ITSN1: variants seen among roughly 807,000 people sequenced by gnomAD.
ITSN1 encodes the protein intersectin 1, also known as intersectin-1.
In ITSN1, 58 loss-of-function variants were observed where a neutral mutation model predicts 239.8. The observed-to-expected ratio is 0.24, with a 90% CI of 0.20 to 0.30. The LOEUF (loss-of-function observed/expected upper bound fraction) is 0.30. Ranked by LOEUF, ITSN1 falls within the 10% of genes least tolerant of loss-of-function variation. The pLI is 1.00. For missense variants in ITSN1, 1,558 were observed against 2,103.3 expected, an observed-to-expected ratio of 0.74 and a Z score of 5.07; for synonymous variants, 780 against 770.8, an observed-to-expected ratio of 1.01 and a Z score of -0.20.
chr21:33,769,593 C>G (rs924560600), intron 11 of ITSN1, among the ~76,000 whole-genome samples: 46 of 152,182 alleles, frequency 3.0e-4, no homozygotes, highest in African/African-American at 1.1e-3. Context: ...TCGTAGCATG[C>G]AGACAGCAGC....
At chr21:33,694,663 A>G (rs2091711807) in intron 1 of ITSN1, among the ~76,000 whole-genome samples, 1 of 152,168 alleles carries the variant, frequency 6.6e-6, no homozygotes, top group Non-Finnish European at 1.5e-5. Flanking sequence ...TCTACTAAAA[A>G]TACAAAAATT....
At chr21:33,693,610 A>G (rs1195865109) in intron 1 of ITSN1, among the ~76,000 whole-genome samples, 9 of 151,204 alleles carry the variant, frequency 6.0e-5, no homozygotes, top group Admixed American at 5.3e-4. Context: ...ACCCTCCTCG[A>G]CCTCCCACAG....
intron 4 of ITSN1, among the ~76,000 whole-genome samples, chr21:33,725,133 G>T (rs28705281): frequency 0.021 from 1,892 of 89,630 alleles, no homozygotes; most frequent in Middle Eastern, 0.067. Flanking sequence ...TTTTTTTTTT[G>T]TTTTTTTTTT....
rs369000288 is a variant in ITSN1, at chr21:33,665,402, A to C, written c.-33+22689A>C. 6.6e-5 allele frequency among the ~76,000 whole-genome samples: 10 copies of C among 152,374 alleles called. No homozygotes were observed. The East Asian group carries it at 1.9e-3, about 29-fold the overall frequency. ...AGATAGATGCTCAAAATTGTTAGTCATTAGGGAAATGGAAATCAAAACTAT... is the reference window on the plus strand; with the variant it reads ...AGATAGATGCTCAAAATTGTTAGTCCTTAGGGAAATGGAAATCAAAACTAT... On this transcript the variant is annotated intron_variant, in intron 1 of 39. Coordinates refer to ENST00000381318, the MANE Select transcript of ITSN1 (RefSeq NM_003024.3).
At chr21:33,774,508 A>G in intron 12 of ITSN1, 1 of 402,228 alleles carries the variant, frequency 2.5e-6, no homozygotes. Context: ...TTACGTAAAT[A>G]TAGTATTATG....
rs141656361 is a variant in ITSN1, at chr21:33,865,178, C to A, written c.3918C>A (p.Ser1306=). 6.2e-7 allele frequency: 1 copy of A among 1,613,782 alleles called. No homozygotes were observed. Among genetic ancestry groups the A allele is most frequent in the East Asian group, 2.2e-5 (1 of 44,868 alleles). Residue 1306 remains serine, a synonymous_variant, in exon 32 of 40, where the codon TCC becomes TCA. Coordinates refer to ENST00000381318, the MANE Select transcript of ITSN1 (RefSeq NM_003024.3). The surrounding 1 kb of genome is among the most constrained non-coding windows in gnomAD (Gnocchi z 4.4). The stretch of plus-strand genomic sequence containing the variant: ...CGCTGAGAGTCCGCAAGAAGATGTC[C>A]GGGGAGAAGATGCCTGTGAAGATGA... The part of the protein sequence containing the change: ...LKALRVRKKM[S]GEKMPVKMIG...
At chr21:33,817,901 G>A (rs2148259749) in intron 22 of ITSN1, 2 of 320,960 alleles carry the variant, frequency 6.2e-6, no homozygotes, top group East Asian at 1.6e-4. Flanking sequence ...AAAAATGCCA[G>A]TCAAATTGGA....
chr21:33,733,227 A>G (rs1253582672), intron 4 of ITSN1, among the ~76,000 whole-genome samples: 2 of 152,200 alleles, frequency 1.3e-5, no homozygotes, highest in Admixed American at 6.5e-5. Flanking sequence ...CAGATAGTCC[A>G]GAAATAGTTC....
intron 1 of ITSN1, among the ~76,000 whole-genome samples, chr21:33,681,388 G>A (rs2090944848): frequency 6.6e-6 from 1 of 152,044 alleles, no homozygotes; most frequent in East Asian, 1.9e-4. Context: ...TCTAATGCAT[G>A]ATAGCTGATT....
At chr21:33,813,672 G>C (rs1249950331) in intron 21 of ITSN1, among the ~76,000 whole-genome samples, 1 of 152,080 alleles carries the variant, frequency 6.6e-6, no homozygotes, top group African/African-American at 2.4e-5. Flanking sequence ...TTCTTTCACT[G>C]TAGAAAGCCA....
At chr21:33,684,568 A>G (rs1168838487) in intron 1 of ITSN1, among the ~76,000 whole-genome samples, 1 of 152,188 alleles carries the variant, frequency 6.6e-6, no homozygotes, top group Admixed American at 6.5e-5. Context: ...GGGGGTAGAA[A>G]CAGTTTTCCT....
At position 33,813,009 on chromosome 21, in the gene ITSN1, T is replaced by C. The variant is rs34581372; in HGVS notation, c.2568-904T>C. Among the ~76,000 whole-genome samples, 17 of 152,068 alleles carry C rather than the reference T, an allele frequency of 1.1e-4. 1 individual carries two copies. The highest frequency in any genetic ancestry group is 2.2e-4 in the Non-Finnish European group (15 of 67,984). ...TTTTTTTTTTCTCATTTAACTATTG[T>C]TATTACAAATGATAATGATCATGTG... On this transcript the variant is annotated intron_variant, in intron 21 of 39. Coordinates refer to ENST00000381318, the MANE Select transcript of ITSN1 (RefSeq NM_003024.3).
intron 11 of ITSN1, among the ~76,000 whole-genome samples, chr21:33,768,034 T>C (rs756429059): frequency 1.3e-5 from 2 of 152,232 alleles, no homozygotes; most frequent in Admixed American, 6.5e-5. Context: ...TGCACTCTGC[T>C]AATGCACCGT....
At chr21:33,805,640 CAGGTTGGAGCTTTAGAAAG>C (rs976630074) in intron 20 of ITSN1, among the ~76,000 whole-genome samples, 2 of 152,068 alleles carry the variant, frequency 1.3e-5, no homozygotes, top group African/African-American at 4.8e-5. Context: ...TGCCAGCCTC[CAGGTTGGAGCTTTAGAAAG>C]AGTTTTTTTG....
In ITSN1 at chr21:33,883,549, G is replaced by T; in HGVS notation, c.4555-1G>T. On this transcript the variant is annotated splice_acceptor_variant, in intron 35 of 39. Transcript: ENST00000381318. LOFTEE classifies it high-confidence loss of function. Reference sequence around the variant, plus strand: ...TGTAATGCCTGTGTGTTACTTTCCAGCCTATTTTCCTAAATGAGGTTCTAG... The same window carrying T: ...TGTAATGCCTGTGTGTTACTTTCCATCCTATTTTCCTAAATGAGGTTCTAG... 6.2e-7 allele frequency: 1 copy of T among 1,613,184 alleles called. No individual in the cohort carries two copies. Among genetic ancestry groups the T allele is most frequent in the Non-Finnish European group, 8.5e-7 (1 of 1,179,344 alleles).
rs986314062 is a variant in ITSN1, at chr21:33,888,032, C to T, written c.5018-120C>T. On this transcript the variant is annotated intron_variant, in intron 39 of 39. Coordinates refer to ENST00000381318, the MANE Select transcript of ITSN1 (RefSeq NM_003024.3). Reference sequence around the variant, plus strand: ...TGGAAATCCTAGTGTTGGTTTACATCAGAGCCCAGAGAAGAAGGGAGAGCA... The same window carrying T: ...TGGAAATCCTAGTGTTGGTTTACATTAGAGCCCAGAGAAGAAGGGAGAGCA... 27 of 969,190 alleles carry T rather than the reference C, an allele frequency of 2.8e-5. No individual in the cohort carries two copies. The African/African-American group carries it at 3.0e-4, about 11-fold the overall frequency. 60.0% of individuals were successfully genotyped at this position (969,190 alleles called of 1,614,324 possible).
Position 33,739,958 on chromosome 21 carries a change from T to G in ITSN1, c.346+4754T>G, listed in dbSNP as rs536831290. Among the ~76,000 whole-genome samples, 23 of 152,276 alleles carry G rather than the reference T, an allele frequency of 1.5e-4. 1 individual carries two copies. The South Asian group carries it at 4.8e-3, about 32-fold the overall frequency. On this transcript the variant is annotated intron_variant, in intron 5 of 39. Coordinates refer to ENST00000381318, the MANE Select transcript of ITSN1 (RefSeq NM_003024.3). Reference sequence around the variant, plus strand: ...GGGCAAGAGGCAATGGTGATTTATATCTGGTGGTGATAATCAATGTGGAGG... The same window carrying G: ...GGGCAAGAGGCAATGGTGATTTATAGCTGGTGGTGATAATCAATGTGGAGG...
intron 11 of ITSN1, among the ~76,000 whole-genome samples, 164 bp downstream of exon 11, chr21:33,767,992 A>G (rs908471713): frequency 3.9e-5 from 6 of 152,118 alleles, no homozygotes; most frequent in African/African-American, 1.4e-4. Flanking sequence ...AAGCTTGTGG[A>G]TTTGGGTCTG....
chr21:33,735,574 T>TA (rs910388454), intron 5 of ITSN1: 5 of 250,962 alleles, frequency 2.0e-5, no homozygotes, highest in African/African-American at 1.2e-4. Flanking sequence ...TCCTTGTGCA[T>TA]AAACAATTCC....
Sources: gnomAD v4.1 joint callset for allele counts (sites outside exome capture counted in the v4.1 genomes callset) on GRCh38, gnomAD v4.1.1 for gene constraint, Gnocchi (gnomAD v3.1) non-coding constraint, MANE v1.5 for transcripts, NCBI Gene and HGNC (gene_info 2026-07-23, HGNC 2026-07-21) for gene names.